The following NBEA variants were observed in gnomAD, a reference collection of about 807,000 sequenced individuals.
NBEA encodes the protein neurobeachin.
A neutral mutation model predicts 343.4 loss-of-function variants in NBEA; 44 were observed. That is an observed-to-expected ratio of 0.13 (90% CI 0.10 to 0.16). The LOEUF (loss-of-function observed/expected upper bound fraction) is 0.16. NBEA is among the 10% of genes least tolerant of loss of function. The pLI is 1.00. For missense variants in NBEA, 2,555 were observed against 3,631.3 expected (o/e 0.70, Z 7.62); for synonymous variants, 1,175 against 1,238.7 (o/e 0.95, Z 1.08).
chr13:35,272,052 TG>T (rs2034205078), intron 34 of NBEA, among the ~76,000 whole-genome samples: 1 of 151,910 alleles, frequency 6.6e-6, no homozygotes, highest in South Asian at 2.1e-4. Flanking sequence ...GACACATAAT[TG>T]ACAGAATCAC....
At chr13:35,536,900 A>T (rs2078582401) in intron 41 of NBEA, among the ~76,000 whole-genome samples, 1 of 152,214 alleles carries the variant, frequency 6.6e-6, no homozygotes, top group African/African-American at 2.4e-5. Flanking sequence ...GCTCCCTCAC[A>T]GCATGTGGAA....
intron 1 of NBEA, among the ~76,000 whole-genome samples, chr13:34,948,837 G>T (rs2059266013): frequency 6.6e-6 from 1 of 152,186 alleles, no homozygotes; most frequent in African/African-American, 2.4e-5. Context: ...TGTCTTTTAA[G>T]AGAGCAGTTA....
intron 34 of NBEA, among the ~76,000 whole-genome samples, chr13:35,278,723 C>T (rs7985535): frequency 0.067 from 10,249 of 152,174 alleles, 633 homozygotes; most frequent in Admixed American, 0.2. Context: ...GGACTTAGAA[C>T]CTGGGATACT....
At chr13:35,119,362 T>C (rs1354886224) in intron 16 of NBEA, among the ~76,000 whole-genome samples, 2 of 152,310 alleles carry the variant, frequency 1.3e-5, no homozygotes, top group Non-Finnish European at 2.9e-5. Context: ...TATCAGTGAC[T>C]GTCAAGGGCT....
intron 36 of NBEA, among the ~76,000 whole-genome samples, chr13:35,337,719 G>A (rs2039347641): frequency 6.6e-6 from 1 of 151,998 alleles, no homozygotes; most frequent in African/African-American, 2.4e-5. Context: ...CAGACCATAT[G>A]TGGCCAAAAA....
At chr13:35,330,803 A>G (rs1209242267) in intron 36 of NBEA, among the ~76,000 whole-genome samples, 4 of 152,036 alleles carry the variant, frequency 2.6e-5, no homozygotes, top group Non-Finnish European at 5.9e-5. Flanking sequence ...TCTAATAGCT[A>G]TATAGAGGGG....
chr13:35,347,202 A>G (rs1170066167), intron 36 of NBEA, among the ~76,000 whole-genome samples: 1 of 152,154 alleles, frequency 6.6e-6, no homozygotes, highest in Non-Finnish European at 1.5e-5. Flanking sequence ...TAGACATGAT[A>G]TAGTGAAGAA....
chr13:35,332,219 A>G (rs1344458704), intron 36 of NBEA, among the ~76,000 whole-genome samples: 1 of 152,112 alleles, frequency 6.6e-6, no homozygotes, highest in Non-Finnish European at 1.5e-5. Context: ...AAAGAAAATA[A>G]GAGGAAATAG....
At chr13:35,174,247 C>T (rs2070700735) in intron 27 of NBEA, among the ~76,000 whole-genome samples, 1 of 152,100 alleles carries the variant, frequency 6.6e-6, no homozygotes. Context: ...AGTATTCATC[C>T]TTATTTTTTA....
At chr13:34,982,677 G>A (rs567306625) in intron 1 of NBEA, among the ~76,000 whole-genome samples, 2 of 152,146 alleles carry the variant, frequency 1.3e-5, no homozygotes, top group East Asian at 1.9e-4. Flanking sequence ...ATTGAGACTC[G>A]TCTTATGGCT....
At chr13:35,124,333 C>T (rs1593424813) in intron 17 of NBEA, among the ~76,000 whole-genome samples, 1 of 149,882 alleles carries the variant, frequency 6.7e-6, no homozygotes, top group Middle Eastern at 3.4e-3. Context: ...AAAATTCAGA[C>T]AAGACATGTC....
intron 41 of NBEA, among the ~76,000 whole-genome samples, chr13:35,479,678 G>A (rs970155515): frequency 8.5e-5 from 13 of 152,142 alleles, no homozygotes; most frequent in African/African-American, 2.9e-4. Flanking sequence ...GTAGTACATA[G>A]AGATGGCTTA....
intron 55 of NBEA, among the ~76,000 whole-genome samples, chr13:35,657,979 G>C (rs563115244): frequency 2.0e-5 from 3 of 152,024 alleles, no homozygotes; most frequent in Non-Finnish European, 4.4e-5. Context: ...TCACTACTGT[G>C]TTTTCTAATG....
chr13:35,560,214 CAG>C (rs71654915), intron 44 of NBEA, among the ~76,000 whole-genome samples: 44,510 of 151,958 alleles, frequency 0.29, 7,987 homozygotes, highest in Middle Eastern at 0.48. Context: ...AGTTTAGCTC[CAG>C]AGTCTTCATT....
At chr13:35,501,763 T>C (rs1050489165) in intron 41 of NBEA, among the ~76,000 whole-genome samples, 13 of 152,142 alleles carry the variant, frequency 8.5e-5, no homozygotes, top group African/African-American at 3.1e-4. Flanking sequence ...CATTTGATGA[T>C]GGAACTATAC....
chr13:35,296,415 C>T (rs2036136831), intron 35 of NBEA, among the ~76,000 whole-genome samples: 1 of 150,924 alleles, frequency 6.6e-6, no homozygotes, highest in African/African-American at 2.4e-5. Flanking sequence ...GAACAACAGT[C>T]TTTTTTTTCT....
At chr13:35,366,110 A>C in intron 38 of NBEA, among the ~76,000 whole-genome samples, 1 of 151,610 alleles carries the variant, frequency 6.6e-6, no homozygotes, top group East Asian at 1.9e-4. Context: ...TTTGGAATAT[A>C]GAGAAGTGGC....
intron 31 of NBEA, among the ~76,000 whole-genome samples, chr13:35,196,575 G>A (rs894574232): frequency 2.0e-5 from 3 of 152,182 alleles, no homozygotes; most frequent in Admixed American, 1.3e-4. Context: ...AAGGACTACA[G>A]TACATCGGGG....
intron 10 of NBEA, among the ~76,000 whole-genome samples, chr13:35,079,523 A>T (rs1208920669): frequency 6.6e-6 from 1 of 152,178 alleles, no homozygotes; most frequent in Non-Finnish European, 1.5e-5. Flanking sequence ...TTTCATTTAA[A>T]ACTAAATGGT....
Sources: gnomAD v4.1 joint callset for allele counts (sites outside exome capture counted in the v4.1 genomes callset) on GRCh38, gnomAD v4.1.1 for gene constraint, MANE v1.5 for transcripts, NCBI Gene and HGNC (gene_info 2026-07-23, HGNC 2026-07-21) for gene names.